The following EYS variants were observed in gnomAD, a reference collection of about 807,000 sequenced individuals.
EYS encodes the protein EGF-like photoreceptor maintenance factor, also known as protein eyes shut homolog.
A neutral mutation model predicts 282.1 loss-of-function variants in EYS; 250 were observed. The ratio of observed to expected loss-of-function variants is 0.89; its 90% CI spans 0.80 to 0.98. The LOEUF is 0.98. EYS is among the 50% of genes least tolerant of loss of function. EYS has a pLI of 0.00. For synonymous variants in EYS, 1,355 were observed against 1,282.9 expected (o/e 1.06, Z -1.20); for missense variants, 4,016 against 3,709.0 (o/e 1.08, Z -2.15).
chr6:63,792,494 C>T (rs1225475817), intron 37 of EYS, among the ~76,000 whole-genome samples: 1 of 151,988 alleles, frequency 6.6e-6, no homozygotes, highest in Non-Finnish European at 1.5e-5. Flanking sequence ...ATGTAAATGA[C>T]GAGTTAATGG....
At chr6:64,993,776 A>G (rs917275234) in intron 14 of EYS, among the ~76,000 whole-genome samples, 1 of 151,404 alleles carries the variant, frequency 6.6e-6, no homozygotes, top group Non-Finnish European at 1.5e-5. Flanking sequence ...ATTTTCAACC[A>G]TATGGTGGAT....
At chr6:65,562,127 T>G (rs898479791) in intron 2 of EYS, among the ~76,000 whole-genome samples, 3 of 151,828 alleles carry the variant, frequency 2.0e-5, no homozygotes, top group African/African-American at 4.8e-5. Context: ...CAAGAAAAAA[T>G]TAGCCTACTA....
intron 35 of EYS, among the ~76,000 whole-genome samples, chr6:63,903,166 A>C (rs1260125842): frequency 2.0e-5 from 3 of 152,184 alleles, no homozygotes; most frequent in African/African-American, 7.2e-5. Context: ...AAAGAAACAC[A>C]GATTTGAGGT....
At chr6:64,592,765 T>C (rs1417281569) in intron 25 of EYS, among the ~76,000 whole-genome samples, 3 of 152,066 alleles carry the variant, frequency 2.0e-5, no homozygotes, top group Non-Finnish European at 2.9e-5. Flanking sequence ...GGAATATAAA[T>C]TTACCTTAAT....
intron 26 of EYS, among the ~76,000 whole-genome samples, chr6:64,538,125 T>C (rs1334836502): frequency 6.6e-6 from 1 of 152,178 alleles, no homozygotes. Flanking sequence ...ATCAGATTTA[T>C]GAGGATGCAG....
intron 30 of EYS, among the ~76,000 whole-genome samples, chr6:64,267,461 AG>A (rs2150355839): frequency 6.6e-6 from 1 of 152,180 alleles, no homozygotes; most frequent in East Asian, 1.9e-4. Flanking sequence ...TATCCGTGAT[AG>A]CTCCCTGTAA....
At chr6:64,511,034 G>C (rs1190528124) in intron 26 of EYS, among the ~76,000 whole-genome samples, 1 of 151,806 alleles carries the variant, frequency 6.6e-6, no homozygotes, top group East Asian at 1.9e-4. Flanking sequence ...ATTCTGAATA[G>C]CAAAGATGGG....
chr6:64,860,439 G>C (rs944677118), intron 19 of EYS, among the ~76,000 whole-genome samples: 2 of 152,230 alleles, frequency 1.3e-5, no homozygotes, highest in Non-Finnish European at 2.9e-5. Flanking sequence ...GGCTGTGGCA[G>C]GGCTGGAAGC....
chr6:63,848,763 G>A (rs1253244234), intron 36 of EYS, among the ~76,000 whole-genome samples: 2 of 152,124 alleles, frequency 1.3e-5, no homozygotes, highest in Non-Finnish European at 2.9e-5. Context: ...CAGCTGTTTG[G>A]GCAGACACTG....
intron 29 of EYS, among the ~76,000 whole-genome samples, chr6:64,318,366 C>A (rs59091375): frequency 0.038 from 5,793 of 152,072 alleles, 356 homozygotes; most frequent in African/African-American, 0.13. Flanking sequence ...ATTATCCATA[C>A]TGTATAAGCA....
intron 24 of EYS, among the ~76,000 whole-genome samples, chr6:64,593,921 T>C (rs1324634511): frequency 2.6e-5 from 4 of 152,164 alleles, no homozygotes; most frequent in African/African-American, 9.7e-5. Flanking sequence ...ACCAGAGAGA[T>C]ACGTTTATAA....
At chr6:65,142,479 A>AACACACACACACACACACAC (rs71268364) in intron 12 of EYS, among the ~76,000 whole-genome samples, 4 of 135,002 alleles carry the variant, frequency 3.0e-5, no homozygotes, top group African/African-American at 1.1e-4. Flanking sequence ...AGAAATACAA[A>AACACACACACACACACACAC]ACACACACAC....
chr6:65,331,287 TC>T (rs1156717321), intron 11 of EYS: 1 of 643,146 alleles, frequency 1.6e-6, no homozygotes, highest in Non-Finnish European at 1.9e-6. Context: ...GCATTATATT[TC>T]CATTTATTCA....
intron 26 of EYS, among the ~76,000 whole-genome samples, chr6:64,447,931 G>C (rs1257448134): frequency 6.6e-6 from 1 of 152,190 alleles, no homozygotes; most frequent in Non-Finnish European, 1.5e-5. Flanking sequence ...AATCCGTAAG[G>C]ATAGAAAGTA....
intron 12 of EYS, among the ~76,000 whole-genome samples, chr6:65,091,329 A>C (rs1202807805): frequency 6.6e-6 from 1 of 150,904 alleles, no homozygotes; most frequent in Non-Finnish European, 1.5e-5. Context: ...AGGCACCTGT[A>C]ATCCCAGCTA....
chr6:65,596,316 T>C (rs1218846010), intron 2 of EYS, among the ~76,000 whole-genome samples: 1 of 134,926 alleles, frequency 7.4e-6, no homozygotes, highest in African/African-American at 2.8e-5. Context: ...GGGGATAAAT[T>C]TTTATGCAGC....
chr6:64,628,350 A>T (rs1467160433), intron 22 of EYS, among the ~76,000 whole-genome samples: 1 of 152,090 alleles, frequency 6.6e-6, no homozygotes, highest in Non-Finnish European at 1.5e-5. Context: ...CAATAATCGA[A>T]GTGTTCATTG....
At chr6:65,175,000 A>G (rs1342574970) in intron 12 of EYS, among the ~76,000 whole-genome samples, 2 of 151,364 alleles carry the variant, frequency 1.3e-5, no homozygotes, top group East Asian at 3.9e-4. Context: ...GTCACTCCTT[A>G]TATAGTATCA....
intron 33 of EYS, among the ~76,000 whole-genome samples, chr6:64,043,482 C>T (rs1389852509): frequency 2.6e-5 from 4 of 152,236 alleles, no homozygotes; most frequent in Non-Finnish European, 5.9e-5. Flanking sequence ...CCCACCATTA[C>T]TTTTGTGCCA....
Sources: allele counts gnomAD v4.1 joint callset (sites outside exome capture counted in the v4.1 genomes callset), GRCh38; gene constraint gnomAD v4.1.1; transcripts MANE v1.5; gene names NCBI Gene and HGNC (gene_info 2026-07-23, HGNC 2026-07-21).